PAK1: variants seen among roughly 807,000 people sequenced by gnomAD.
PAK1 encodes serine/threonine-protein kinase PAK 1.
In PAK1, 29 loss-of-function variants were observed where a neutral mutation model predicts 67.4. That is an observed-to-expected ratio of 0.43 (90% CI 0.32 to 0.59). PAK1 has a LOEUF of 0.59. Among genes scored for constraint, PAK1 ranks in the 20% least tolerant of loss-of-function variants. The probability of loss-of-function intolerance (pLI) is 0.07; values close to 1 mark genes in which losing one functional copy is unlikely to be tolerated. For missense variants in PAK1, 337 were observed against 670.7 expected (o/e 0.50, Z 5.50); for synonymous variants, 223 against 237.4 (o/e 0.94, Z 0.56).
chr11:77,370,333 C>A (rs1948260621), intron 5 of PAK1, among the ~76,000 whole-genome samples: 1 of 152,124 alleles, frequency 6.6e-6, no homozygotes. Context: ...TCTCTGAGGC[C>A]CCTATACCCA....
Position 77,323,283 on chromosome 11 carries a change from G to C in PAK1, c.1629C>G (p.Asn543Lys). 1 of 1,613,902 alleles carries C rather than the reference G, an allele frequency of 6.2e-7. No homozygotes were observed. Among genetic ancestry groups the C allele is most frequent in the African/African-American group, 1.3e-5 (1 of 75,030 alleles). ...LIAAAKEATK[N>K]NH ...TGGGGTGAGTGTGGTTTTAGTGATT[G>C]TTCTTTGTTGCCTCCTTAGCTGCAG... The change falls in exon 15 of 15, where the codon AAC becomes AAG. Residue 543 changes from asparagine to lysine, a missense_variant. Around this residue, in one of 8 missense-constraint regions of PAK1, gnomAD observed 71 missense variants for 160.5 expected, o/e 0.44. Transcript: ENST00000356341.
chr11:77,376,691 C>T (rs764263314), intron 4 of PAK1, among the ~76,000 whole-genome samples: 3 of 147,480 alleles, frequency 2.0e-5, no homozygotes, highest in Non-Finnish European at 3.0e-5. Flanking sequence ...GAGCCGAGAT[C>T]GCGCTGCTGC....
intron 5 of PAK1, among the ~76,000 whole-genome samples, chr11:77,360,315 A>C (rs2136622387): frequency 6.6e-6 from 1 of 152,300 alleles, no homozygotes; most frequent in African/African-American, 2.4e-5. Flanking sequence ...CATAGGCAAT[A>C]AATCTGTCCT....
the PAK1 span, chr11:77,529,996 A>C: frequency 6.6e-6 from 1 of 152,120 alleles, no homozygotes; most frequent in Non-Finnish European, 1.5e-5. Context: ...TCCCCAGTAC[A>C]TTTTTTTCCT....
chr11:77,347,572 A>T (rs1365621919), intron 9 of PAK1, among the ~76,000 whole-genome samples: 2 of 152,176 alleles, frequency 1.3e-5, no homozygotes, highest in African/African-American at 4.8e-5. Flanking sequence ...TGATAATATT[A>T]TCCTTCCTTC....
chr11:77,338,062 C>T (rs1489149040), intron 11 of PAK1, among the ~76,000 whole-genome samples: 2 of 152,108 alleles, frequency 1.3e-5, no homozygotes, highest in Non-Finnish European at 2.9e-5. Context: ...TCTTGGAAAA[C>T]ACCTATACTT....
chr11:77,388,632 C>T (rs2729750), intron 2 of PAK1, among the ~76,000 whole-genome samples: 9,607 of 152,280 alleles, frequency 0.063, 674 homozygotes, highest in East Asian at 0.24. Context: ...GGATTACAGG[C>T]ATGAGCCACC....
chr11:77,506,753 T>C, the PAK1 span, among the ~76,000 whole-genome samples: 2 of 152,110 alleles, frequency 1.3e-5, no homozygotes, highest in Non-Finnish European at 2.9e-5. Context: ...ACCTATGACA[T>C]ACGATGATTT....
chr11:77,458,908 A>G (rs1399076919), intron 1 of PAK1, among the ~76,000 whole-genome samples: 1 of 152,234 alleles, frequency 6.6e-6, no homozygotes, highest in Admixed American at 6.5e-5. Context: ...GATACAGCAA[A>G]GAACAAAACA....
chr11:77,404,661 T>G (rs563356739), intron 1 of PAK1, among the ~76,000 whole-genome samples: 1 of 152,190 alleles, frequency 6.6e-6, no homozygotes, highest in Non-Finnish European at 1.5e-5. Flanking sequence ...TCTGCATCCA[T>G]TTTCTCCTTC....
At chr11:77,417,219 A>G (rs1955011998) in intron 1 of PAK1, among the ~76,000 whole-genome samples, 2 of 152,250 alleles carry the variant, frequency 1.3e-5, no homozygotes, top group Admixed American at 6.5e-5. Context: ...GAATTGCTAA[A>G]AACTGGAAGC....
chr11:77,352,606 C>A (rs1368218568), intron 8 of PAK1, among the ~76,000 whole-genome samples: 1 of 152,202 alleles, frequency 6.6e-6, no homozygotes, highest in East Asian at 1.9e-4. Flanking sequence ...CATTCACTCA[C>A]CACTCACTGA....
At chr11:77,453,501 A>C (rs1421651335) in intron 1 of PAK1, among the ~76,000 whole-genome samples, 2 of 150,560 alleles carry the variant, frequency 1.3e-5, no homozygotes, top group African/African-American at 4.9e-5. Flanking sequence ...TATATTTAGA[A>C]AATGTGAGAT....
intron 1 of PAK1, among the ~76,000 whole-genome samples, chr11:77,436,852 G>A (rs1032943302): frequency 5.9e-5 from 9 of 152,178 alleles, no homozygotes; most frequent in African/African-American, 2.2e-4. Flanking sequence ...TCACCTGACT[G>A]CCTGCTTCTT....
At chr11:77,409,337 T>G (rs1954142808) in intron 1 of PAK1, among the ~76,000 whole-genome samples, 1 of 152,088 alleles carries the variant, frequency 6.6e-6, no homozygotes, top group African/African-American at 2.4e-5. Context: ...AGAGGAACCC[T>G]CATATGCTGT....
chr11:77,331,331 C>A (rs1406815124), intron 14 of PAK1, among the ~76,000 whole-genome samples: 1 of 152,194 alleles, frequency 6.6e-6, no homozygotes, highest in African/African-American at 2.4e-5. Flanking sequence ...AAGACACATG[C>A]ACACGTATGT....
intron 1 of PAK1, among the ~76,000 whole-genome samples, chr11:77,413,417 AT>A (rs1217005152): frequency 6.6e-6 from 1 of 152,210 alleles, no homozygotes; most frequent in Admixed American, 6.5e-5. Flanking sequence ...GGAAAACAGA[AT>A]ACGATGGTGA....
chr11:77,347,160 C>T, intron 9 of PAK1: 1 of 449,658 alleles, frequency 2.2e-6, no homozygotes, highest in Non-Finnish European at 4.5e-6. Context: ...GTTTTGTAAC[C>T]ACAAGACACG....
chr11:77,361,357 C>G (rs746216194), intron 5 of PAK1, among the ~76,000 whole-genome samples: 1 of 152,166 alleles, frequency 6.6e-6, no homozygotes, highest in Non-Finnish European at 1.5e-5. Context: ...CAGAAACATG[C>G]TTGGTATGTT....
Sources: allele counts gnomAD v4.1 joint callset (sites outside exome capture counted in the v4.1 genomes callset), GRCh38; gene constraint gnomAD v4.1.1; regional missense constraint gnomAD v4.1.1; transcripts MANE v1.5; gene names NCBI Gene and HGNC (gene_info 2026-07-23, HGNC 2026-07-21).